RAB25: variants seen among roughly 807,000 people sequenced by gnomAD.
The protein encoded by RAB25 is ras-related protein Rab-25.
In RAB25, 23 loss-of-function variants were observed where a neutral mutation model predicts 25.2. That is an observed-to-expected ratio of 0.91 (90% CI 0.66 to 1.29). RAB25 has a LOEUF of 1.29. Among genes scored for constraint, RAB25 ranks in the 50% most tolerant of loss-of-function variants. RAB25 has a pLI of 0.00. For missense variants in RAB25, 244 were observed against 277.3 expected (o/e 0.88, Z 0.85); for synonymous variants, 102 against 111.5 (o/e 0.91, Z 0.54).
chr1:156,069,286 A>G (rs556489368), intron 3 of RAB25, among the ~76,000 whole-genome samples: 5 of 151,722 alleles, frequency 3.3e-5, no homozygotes, highest in Non-Finnish European at 4.4e-5. Context: ...GGTTCAAGCA[A>G]TTCTCTGCCT....
At position 156,061,448 on chromosome 1, in the gene RAB25, G is replaced by T; in HGVS notation, c.43+5G>T. The T allele has an allele frequency of 6.2e-7, 1 of 1,613,898 alleles. No individual in the cohort carries two copies. Among genetic ancestry groups the T allele is most frequent in the Non-Finnish European group, 8.5e-7 (1 of 1,179,812 alleles). The stretch of plus-strand genomic sequence containing the variant: ...ATTATAACTTTGTCTTCAAGGGTGA[G>T]TTGGGTTCCCTGAAGCAAGAGGAAG... On this transcript the variant is annotated splice_donor_5th_base_variant and intron_variant, in intron 1 of 4. Coordinates refer to ENST00000361084, the MANE Select transcript of RAB25 (RefSeq NM_020387.4).
intron 2 of RAB25, among the ~76,000 whole-genome samples, chr1:156,066,796 C>G (rs936488570): frequency 6.6e-6 from 1 of 151,746 alleles, no homozygotes; most frequent in Non-Finnish European, 1.5e-5. Flanking sequence ...AAAAATTGGC[C>G]GGGCTTGGTG....
intron 4 of RAB25, 101 bp from the exon 5 acceptor site, chr1:156,070,059 C>T (rs1558098755): frequency 6.4e-7 from 1 of 1,574,486 alleles, no homozygotes; most frequent in Non-Finnish European, 8.7e-7. Context: ...GTGGCCACCC[C>T]CCATGCTCAG....
chr1:156,070,483 A>C lies in RAB25; in HGVS notation c.*196A>C. The C allele has an allele frequency of 1.5e-6, 1 of 683,034 alleles. No individual in the cohort carries two copies. The highest frequency in any genetic ancestry group is 2.4e-6 in the Non-Finnish European group (1 of 418,680). 42.3% of individuals were successfully genotyped at this position (683,034 alleles called of 1,614,324 possible). A position where few individuals can be genotyped will look rare whatever the true frequency, so the allele number is the denominator to read the frequency against. ...CCACCCCTCACAGACTAGGACCCTC[A>C]AATAAAGCTGTTTTATATCAATGCC... On this transcript the variant is annotated 3_prime_UTR_variant, in exon 5 of 5. Transcript: ENST00000361084.
At position 156,069,764 on chromosome 1, in the gene RAB25, C is replaced by T. The variant is rs1647852803; in HGVS notation, c.514+13C>T. 3 of 1,591,486 alleles carry T rather than the reference C, an allele frequency of 1.9e-6. No individual in the cohort carries two copies. The highest frequency in any genetic ancestry group is 2.2e-5 in the South Asian group (2 of 90,624). ...ACTGTCCTGAAAGGTTAGAGCCTAC[C>T]TTTATTCTGCACCCCTATTCCATCC... On this transcript the variant is annotated intron_variant, in intron 4 of 4. Coordinates refer to ENST00000361084, the MANE Select transcript of RAB25 (RefSeq NM_020387.4).
intron 2 of RAB25, among the ~76,000 whole-genome samples, chr1:156,067,515 C>G (rs2102771084): frequency 6.6e-6 from 1 of 152,304 alleles, no homozygotes; most frequent in East Asian, 1.9e-4. Context: ...ATGGTCAGGC[C>G]AGGGACTGCT....
Position 156,070,243 on chromosome 1 carries a change from G to A in RAB25, c.598G>A (p.Glu200Lys), listed in dbSNP as rs1261839390. The A allele has an allele frequency of 1.9e-6, 3 of 1,613,964 alleles. No homozygotes were observed. The highest frequency in any genetic ancestry group is 1.6e-4 in the Middle Eastern group (1 of 6,082). The change falls in exon 5 of 5, where the codon GAG becomes AAG. Residue 200 changes from glutamate to lysine, a missense_variant. Glu to Lys is a moderately conservative substitution (Grantham distance 56). Coordinates refer to ENST00000361084, the MANE Select transcript of RAB25 (RefSeq NM_020387.4). ...ITLGSAQAGQEPGPGEKRACC... is the reference protein window; with the variant it reads ...ITLGSAQAGQKPGPGEKRACC... ...TCTGGGCAGTGCCCAGGCTGGACAG[G>A]AGCCTGGCCCTGGGGAGAAGAGGGC...
intron 1 of RAB25, among the ~76,000 whole-genome samples, chr1:156,065,551 C>A (rs1438734507): frequency 6.6e-6 from 1 of 152,160 alleles, no homozygotes; most frequent in African/African-American, 2.4e-5. Context: ...CTGTGCACCC[C>A]CTGACCTCCC....
chr1:156,064,360 C>T (rs1647677735), intron 1 of RAB25, among the ~76,000 whole-genome samples: 1 of 152,064 alleles, frequency 6.6e-6, no homozygotes, highest in Non-Finnish European at 1.5e-5. Context: ...TCCACCTCAG[C>T]CTCTTGAGTA....
chr1:156,067,059 C>G (rs1647765819), intron 2 of RAB25, among the ~76,000 whole-genome samples: 1 of 151,902 alleles, frequency 6.6e-6, no homozygotes, highest in Non-Finnish European at 1.5e-5. Context: ...CAGTGAAACC[C>G]CCGTCTCTAC....
rs1292306295 is a variant in RAB25, at chr1:156,061,299, G to C, written c.-102G>C. The C allele has an allele frequency of 4.0e-6, 5 of 1,235,698 alleles. No homozygotes were observed. The East Asian group carries it at 1.2e-4, about 29-fold the overall frequency. The allele number at this position is 1,235,698 out of a possible 1,614,324, so 76.5% of individuals were successfully genotyped here. ...CTTACCCCCAATGAGAGGAGGGGCA[G>C]GACCAGATCTTTTGAGAGCTGAGGG... On this transcript the variant is annotated 5_prime_UTR_variant, in exon 1 of 5. Coordinates refer to ENST00000361084, the MANE Select transcript of RAB25 (RefSeq NM_020387.4).
At chr1:156,066,644 G>A (rs1192237701) in intron 2 of RAB25, among the ~76,000 whole-genome samples, 2 of 152,138 alleles carry the variant, frequency 1.3e-5, no homozygotes, top group Non-Finnish European at 2.9e-5. Flanking sequence ...CACCACATCC[G>A]AAGTGTCTCT....
chr1:156,068,042 C>T (rs774251583), intron 2 of RAB25, among the ~76,000 whole-genome samples: 7 of 152,214 alleles, frequency 4.6e-5, no homozygotes, highest in East Asian at 3.9e-4. Context: ...CGTGAGCCAC[C>T]GCGCCTGGCC....
intron 1 of RAB25, among the ~76,000 whole-genome samples, chr1:156,062,523 G>C (rs569280151): frequency 5.9e-5 from 9 of 152,152 alleles, no homozygotes; most frequent in Admixed American, 2.6e-4. Context: ...TCCAGAACCC[G>C]CCCTTGAGCT....
At chr1:156,069,042 A>C (rs1647832638) in intron 3 of RAB25, among the ~76,000 whole-genome samples, 1 of 151,832 alleles carries the variant, frequency 6.6e-6, no homozygotes, top group Non-Finnish European at 1.5e-5. Flanking sequence ...TCCTATGGAG[A>C]GGATAGGCTT....
chr1:156,067,061 C>T (rs1170994712), intron 2 of RAB25, among the ~76,000 whole-genome samples: 2 of 151,866 alleles, frequency 1.3e-5, no homozygotes, highest in Non-Finnish European at 2.9e-5. Context: ...GTGAAACCCC[C>T]GTCTCTACTA....
rs536302579 is a variant in RAB25 at position 156,061,291 on chromosome 1, G to C, written c.-110G>C. On this transcript the variant is annotated 5_prime_UTR_variant, in exon 1 of 5. Transcript: ENST00000361084. Reference sequence around the variant, plus strand: ...GAAGTCCCCTTACCCCCAATGAGAGGAGGGGCAGGACCAGATCTTTTGAGA... The same window carrying C: ...GAAGTCCCCTTACCCCCAATGAGAGCAGGGGCAGGACCAGATCTTTTGAGA... 10 of 1,137,934 alleles carry C rather than the reference G, an allele frequency of 8.8e-6. No individual in the cohort carries two copies. The highest frequency in any genetic ancestry group is 1.3e-5 in the Non-Finnish European group (10 of 758,532). 70.5% of individuals were successfully genotyped at this position (1,137,934 alleles called of 1,614,324 possible).
chr1:156,069,386 G>A (rs1647840564), intron 3 of RAB25, among the ~76,000 whole-genome samples: 1 of 151,990 alleles, frequency 6.6e-6, no homozygotes, highest in Non-Finnish European at 1.5e-5. Flanking sequence ...TCACCATGTT[G>A]GCCAAGCCGG....
intron 2 of RAB25, among the ~76,000 whole-genome samples, chr1:156,067,718 A>G (rs1256876577): frequency 2.0e-5 from 3 of 152,222 alleles, no homozygotes; most frequent in Non-Finnish European, 4.4e-5. Context: ...GAGGAAGCCA[A>G]TAGAGATTTT....
Sources: allele counts gnomAD v4.1 joint callset (sites outside exome capture counted in the v4.1 genomes callset), GRCh38; gene constraint gnomAD v4.1.1; transcripts MANE v1.5; gene names NCBI Gene and HGNC (gene_info 2026-07-23, HGNC 2026-07-21).